Variants in POLA1 observed in about 807,000 individuals in gnomAD.
The protein encoded by POLA1 is DNA polymerase alpha 1, catalytic subunit.
Under a neutral mutation model 124.0 loss-of-function variants are expected in POLA1, and 15 were observed. The ratio of observed to expected loss-of-function variants is 0.12; its 90% CI spans 0.08 to 0.19. POLA1 has a LOEUF of 0.19. POLA1 is among the 10% of genes least tolerant of loss of function. The probability of loss-of-function intolerance (pLI) is 1.00; values close to 1 mark genes in which losing one functional copy is unlikely to be tolerated. For missense variants in POLA1, 886 were observed against 1,103.4 expected, an observed-to-expected ratio of 0.80 and a Z score of 2.79; for synonymous variants, 408 against 389.4, an observed-to-expected ratio of 1.05 and a Z score of -0.56.
chrX:24,939,504 A>G (rs1337210594), intron 36 of POLA1, among the ~76,000 whole-genome samples: 2 of 111,890 alleles, frequency 1.8e-5, no homozygotes, highest in African/African-American at 6.5e-5. Context: ...ATGTAATTGC[A>G]TGTACTTCCA....
intron 34 of POLA1, among the ~76,000 whole-genome samples, chrX:24,874,374 G>A (rs2046905404): frequency 8.9e-6 from 1 of 112,028 alleles, no homozygotes; most frequent in Admixed American, 9.5e-5. Flanking sequence ...TGTACATGAT[G>A]TAAACCATTT....
At chrX:24,727,568 A>T (rs1167087156) in intron 14 of POLA1, among the ~76,000 whole-genome samples, 1 of 111,213 alleles carries the variant, frequency 9.0e-6, no homozygotes, top group African/African-American at 3.3e-5. Context: ...AAAGCTATAG[A>T]CCTCTTTCCC....
intron 26 of POLA1, among the ~76,000 whole-genome samples, chrX:24,753,319 A>G (rs1449100315): frequency 3.3e-5 from 1 of 30,136 alleles, no homozygotes; most frequent in Non-Finnish European, 5.1e-5. Context: ...CGCCAGGCCT[A>G]TTTTATTTTA....
chrX:24,767,944 G>A, intron 26 of POLA1, among the ~76,000 whole-genome samples: 1 of 112,298 alleles, frequency 8.9e-6, no homozygotes, highest in Non-Finnish European at 1.9e-5. Flanking sequence ...AGTACAGAAA[G>A]TATAAGTAAC....
At position 24,732,461 on chromosome X, in the gene POLA1, AT is replaced by A. The variant is rs752493068; in HGVS notation, c.1771+16del. 813 of 1,058,469 alleles carry A rather than the reference AT, an allele frequency of 7.7e-4. No individual in the cohort carries two copies. The highest frequency in any genetic ancestry group is 9.2e-4 in the Non-Finnish European group (707 of 765,906). The allele number at this position is 1,058,469 out of a possible 1,213,427, so 87.2% of individuals were successfully genotyped here. ...TTTCAGTCACACTTCTGTGGTATGT[AT>A]TTTTTTTTAAGCTGGCTTACTAACA... On this transcript the variant is annotated splice_region_variant and intron_variant, in intron 16 of 36. Coordinates refer to ENST00000379068, the MANE Select transcript of POLA1 (RefSeq NM_001330360.2).
intron 26 of POLA1, among the ~76,000 whole-genome samples, chrX:24,793,133 C>T (rs1348283238): frequency 9.2e-6 from 1 of 108,536 alleles, no homozygotes; most frequent in Non-Finnish European, 1.9e-5. Flanking sequence ...AAAAATTAGC[C>T]GGGTGTGGTG....
At chrX:24,756,240 G>A (rs970005002) in intron 26 of POLA1, among the ~76,000 whole-genome samples, 1 of 111,631 alleles carries the variant, frequency 9.0e-6, no homozygotes, top group African/African-American at 3.3e-5. Flanking sequence ...TAAGAAGGAA[G>A]GAAAACAATC....
chrX:24,710,234 A>G (rs1929310634), intron 4 of POLA1, among the ~76,000 whole-genome samples: 1 of 110,718 alleles, frequency 9.0e-6, no homozygotes, highest in Non-Finnish European at 1.9e-5. Context: ...GAACATTTTC[A>G]TCATCCAAAA....
At chrX:24,939,536 G>GT (rs1213481970) in intron 36 of POLA1, among the ~76,000 whole-genome samples, 1 of 111,422 alleles carries the variant, frequency 9.0e-6, no homozygotes, top group African/African-American at 3.3e-5. Flanking sequence ...ATCAGGAAGT[G>GT]TAATTATCTA....
At chrX:24,752,641 A>G (rs1206258566) in intron 26 of POLA1, among the ~76,000 whole-genome samples, 5 of 112,268 alleles carry the variant, frequency 4.5e-5, no homozygotes, top group Non-Finnish European at 9.4e-5. Context: ...TTAATCAATT[A>G]AGGATTTTAT....
chrX:24,912,121 G>A (rs11573468), intron 35 of POLA1, among the ~76,000 whole-genome samples: 27 of 112,428 alleles, frequency 2.4e-4, no homozygotes, highest in Middle Eastern at 4.6e-3. Context: ...TAATGGAGAA[G>A]GGGTAGTCCT....
intron 26 of POLA1, among the ~76,000 whole-genome samples, chrX:24,779,942 A>T (rs1490259099): frequency 2.7e-5 from 3 of 111,916 alleles, no homozygotes; most frequent in African/African-American, 9.7e-5. Context: ...AAATGGTTGA[A>T]TATCAGCCAT....
chrX:24,947,228 T>G (rs2147238990), intron 36 of POLA1, among the ~76,000 whole-genome samples: 1 of 102,160 alleles, frequency 9.8e-6, no homozygotes, highest in South Asian at 4.9e-4. Flanking sequence ...TAGCAGCTGG[T>G]TGTTTTCCCT....
chrX:24,950,339 C>G (rs956289169), intron 36 of POLA1, among the ~76,000 whole-genome samples: 2 of 111,895 alleles, frequency 1.8e-5, no homozygotes, highest in Admixed American at 9.5e-5. Flanking sequence ...TTGAATGTAG[C>G]TAGTGCGACT....
At chrX:24,760,588 A>G (rs776446041) in intron 26 of POLA1, among the ~76,000 whole-genome samples, 15 of 112,259 alleles carry the variant, frequency 1.3e-4, no homozygotes, top group Non-Finnish European at 2.4e-4. Flanking sequence ...TGTCAAATTT[A>G]GAAAACAAAA....
At chrX:24,878,994 C>G (rs192234413) in intron 34 of POLA1, among the ~76,000 whole-genome samples, 108 of 111,377 alleles carry the variant, frequency 9.7e-4, no homozygotes, top group Non-Finnish European at 1.7e-3. Flanking sequence ...AAGAAGAAAC[C>G]ACAGAGATTA....
chrX:24,778,997 A>T (rs1160436077), intron 26 of POLA1, among the ~76,000 whole-genome samples: 6 of 112,142 alleles, frequency 5.4e-5, no homozygotes, highest in Non-Finnish European at 1.1e-4. Context: ...TAAAAATAAG[A>T]TAGGAAGCCA....
At chrX:24,740,943 C>G (rs908096367) in intron 20 of POLA1, among the ~76,000 whole-genome samples, 8 of 111,098 alleles carry the variant, frequency 7.2e-5, no homozygotes, top group Non-Finnish European at 3.8e-5. Flanking sequence ...CTGTCTCCCC[C>G]GTGAGGACAT....
At chrX:24,825,704 G>A (rs1205396247) in intron 31 of POLA1, among the ~76,000 whole-genome samples, 1 of 111,392 alleles carries the variant, frequency 9.0e-6, no homozygotes, top group Non-Finnish European at 1.9e-5. Flanking sequence ...GAAAACCCTT[G>A]AAAAGAGGCT....
Sources: gnomAD v4.1 joint callset for allele counts (sites outside exome capture counted in the v4.1 genomes callset) on GRCh38, gnomAD v4.1.1 for gene constraint, MANE v1.5 for transcripts, NCBI Gene and HGNC (gene_info 2026-07-23, HGNC 2026-07-21) for gene names.